Variants in NSD3 observed in about 807,000 individuals in gnomAD.
The protein encoded by NSD3 is nuclear receptor binding SET domain protein 3, also known as histone-lysine N-methyltransferase NSD3.
A neutral mutation model predicts 160.8 loss-of-function variants in NSD3; 24 were observed. That is an observed-to-expected ratio of 0.15 (90% CI 0.11 to 0.21). NSD3 has a LOEUF of 0.21. Among genes scored for constraint, NSD3 ranks in the 10% least tolerant of loss-of-function variants. The probability of loss-of-function intolerance (pLI) is 1.00; values close to 1 mark genes in which losing one functional copy is unlikely to be tolerated. For synonymous variants in NSD3, 520 were observed against 600.0 expected (o/e 0.87, Z 1.95); for missense variants, 1,157 against 1,735.9 (o/e 0.67, Z 5.93).
chr8:38,370,380 ATTTT>A (rs550018393), intron 1 of NSD3, among the ~76,000 whole-genome samples: 3 of 137,400 alleles, frequency 2.2e-5, no homozygotes, highest in Admixed American at 1.5e-4. Context: ...GTCCAGGAGA[ATTTT>A]TTTTTTTTTT....
chr8:38,357,020 G>A (rs2150388468), intron 1 of NSD3, among the ~76,000 whole-genome samples: 1 of 147,966 alleles, frequency 6.8e-6, no homozygotes. Flanking sequence ...TTGGGAAGGT[G>A]AGGCAGGAGA....
intron 2 of NSD3, among the ~76,000 whole-genome samples, chr8:38,345,336 G>T (rs1220759564): frequency 7.0e-6 from 1 of 143,554 alleles, no homozygotes; most frequent in Non-Finnish European, 1.5e-5. Context: ...GGGGAGCAGG[G>T]AGAGGGAGGG....
At position 38,279,559 on chromosome 8, in the gene NSD3, A is replaced by G. The variant is rs1306851535; in HGVS notation, c.3741T>C (p.Ala1247=). 1.2e-6 allele frequency: 2 copies of G among 1,613,982 alleles called. No homozygotes were observed. Among genetic ancestry groups the G allele is most frequent in the African/African-American group, 2.7e-5 (2 of 74,916 alleles). The change falls in exon 21 of 24, where the codon GCT becomes GCC. Residue 1247 remains alanine (A), a synonymous_variant. Transcript: ENST00000317025. ...TTTTACCTGCAGGAATATCACAGAG[A>G]GCAAATAGTCCCACTCGAACATCTC... ...VNGDVRVGLF[A]LCDIPAGMEL...
intron 16 of NSD3, among the ~76,000 whole-genome samples, chr8:38,291,565 G>A (rs1285899020): frequency 6.6e-6 from 1 of 152,186 alleles, no homozygotes; most frequent in Non-Finnish European, 1.5e-5. Flanking sequence ...TTGATAAAGT[G>A]TCACCTGAAA....
At chr8:38,279,422 A>G in intron 21 of NSD3, 118 bp downstream of exon 21, 1 of 1,227,234 alleles carries the variant, frequency 8.1e-7, no homozygotes, top group South Asian at 1.7e-5. Context: ...TCTAAATATA[A>G]CCTTCCTCTT....
chr8:38,377,904 C>G (rs1182355194), intron 1 of NSD3, among the ~76,000 whole-genome samples: 1 of 151,934 alleles, frequency 6.6e-6, no homozygotes, highest in African/African-American at 2.4e-5. Context: ...TGCACTCCAG[C>G]CTGGGCAACA....
At chr8:38,285,672 T>C (rs906129372) in intron 19 of NSD3, among the ~76,000 whole-genome samples, 3 of 152,226 alleles carry the variant, frequency 2.0e-5, no homozygotes, top group Non-Finnish European at 4.4e-5. Flanking sequence ...AGTGAAATCA[T>C]AGGCAAAAAT....
At chr8:38,339,724 C>CA (rs1232259132) in intron 2 of NSD3, among the ~76,000 whole-genome samples, 2,892 of 107,084 alleles carry the variant, frequency 0.027, 38 homozygotes, top group Admixed American at 0.032. Context: ...GACTCCATCT[C>CA]AAAAAAAAAA....
chr8:38,310,278 A>G (rs1809501226), intron 12 of NSD3, among the ~76,000 whole-genome samples: 2 of 152,218 alleles, frequency 1.3e-5, no homozygotes, highest in Non-Finnish European at 2.9e-5. Context: ...ATCATACAAT[A>G]TTTGTTGGCC....
At chr8:38,320,067 C>G (rs1472577959) in intron 8 of NSD3, 1 of 151,920 alleles carries the variant, frequency 6.6e-6, no homozygotes, top group Non-Finnish European at 1.5e-5. Flanking sequence ...ATATAATTTC[C>G]TAAGTATGAA....
chr8:38,337,256 A>G (rs1243336137), intron 4 of NSD3, 49 bp downstream of exon 4: 2 of 1,467,310 alleles, frequency 1.4e-6, no homozygotes, highest in African/African-American at 1.4e-5. Flanking sequence ...TTTAAAAGTC[A>G]CTTTTATTTC....
chr8:38,276,741 G>A (rs1039456484), intron 22 of NSD3: 4 of 507,438 alleles, frequency 7.9e-6, no homozygotes, highest in Non-Finnish European at 1.1e-5. Context: ...CTGAAGTGCA[G>A]TGGTGCAATC....
intron 12 of NSD3, among the ~76,000 whole-genome samples, chr8:38,312,943 T>A (rs944396092): frequency 6.6e-6 from 1 of 152,214 alleles, no homozygotes; most frequent in African/African-American, 2.4e-5. Context: ...CTGGAATGAC[T>A]GAATTTTAGA....
intron 16 of NSD3, among the ~76,000 whole-genome samples, chr8:38,294,650 G>A (rs1357455261): frequency 2.0e-5 from 3 of 152,070 alleles, no homozygotes; most frequent in African/African-American, 4.8e-5. Context: ...TTAGAAATCA[G>A]AAATCAACAT....
rs1810808550 is a variant in NSD3, at chr8:38,355,764, T to G, written c.-44-7549A>C. On this transcript the variant is annotated intron_variant, in intron 1 of 23. Transcript: ENST00000317025. Reference sequence around the variant, plus strand: ...TTTATTTTTAAAGCAATAATTTTAATGGCTAACATTTGAGAGCTTAGTGTC... The same window carrying G: ...TTTATTTTTAAAGCAATAATTTTAAGGGCTAACATTTGAGAGCTTAGTGTC... 2.6e-5 allele frequency among the ~76,000 whole-genome samples: 4 copies of G among 152,250 alleles called. No individual in the cohort carries two copies. In the South Asian group the frequency reaches 8.3e-4, roughly 31 times the overall value.
intron 2 of NSD3, among the ~76,000 whole-genome samples, chr8:38,343,667 C>T (rs945416631): frequency 6.6e-6 from 1 of 152,160 alleles, no homozygotes; most frequent in Non-Finnish European, 1.5e-5. Flanking sequence ...TGCACCACTG[C>T]ACTCCACCCT....
At chr8:38,289,579 T>G (rs1191036768) in intron 17 of NSD3, 74 bp from the exon 18 acceptor site, 1 of 1,341,722 alleles carries the variant, frequency 7.5e-7, no homozygotes, top group South Asian at 1.3e-5. Context: ...AGTTTTACGC[T>G]GCCTTCCCAA....
intron 19 of NSD3, among the ~76,000 whole-genome samples, chr8:38,284,683 G>A (rs899661910): frequency 3.9e-5 from 6 of 152,132 alleles, no homozygotes; most frequent in African/African-American, 9.7e-5. Flanking sequence ...CACTGTGCCC[G>A]GCCTAGGGCA....
At chr8:38,283,419 C>A (rs1808779113) in intron 19 of NSD3, among the ~76,000 whole-genome samples, 1 of 108,482 alleles carries the variant, frequency 9.2e-6, no homozygotes, top group Non-Finnish European at 1.7e-5. Context: ...CCACCCCCCA[C>A]CCCACAAATT....
Sources: allele counts gnomAD v4.1 joint callset (sites outside exome capture counted in the v4.1 genomes callset), GRCh38; gene constraint gnomAD v4.1.1; transcripts MANE v1.5; gene names NCBI Gene and HGNC (gene_info 2026-07-23, HGNC 2026-07-21).